The following CMSS1 variants were observed in gnomAD, a reference collection of about 807,000 sequenced individuals.
The protein encoded by CMSS1 is protein CMSS1.
In CMSS1, 33 loss-of-function variants were observed where a neutral mutation model predicts 43.5. The observed-to-expected ratio is 0.76, with a 90% confidence interval of 0.57 to 1.01. The LOEUF (loss-of-function observed/expected upper bound fraction) is 1.01. Ranked by LOEUF, CMSS1 falls within the 50% of genes least tolerant of loss-of-function variation. CMSS1 has a pLI of 0.00. For missense variants in CMSS1, 313 were observed against 326.4 expected (o/e 0.96, Z 0.32); for synonymous variants, 115 against 117.2 (o/e 0.98, Z 0.12).
intron 1 of CMSS1, among the ~76,000 whole-genome samples, chr3:100,053,999 C>T (rs771441709): frequency 2.0e-5 from 3 of 152,324 alleles, no homozygotes; most frequent in East Asian, 3.9e-4. Context: ...TCTGGACATT[C>T]GGCTTACTTA....
chr3:100,021,970 A>T (rs1225137654), intron 1 of CMSS1, among the ~76,000 whole-genome samples: 2,799 of 124,718 alleles, frequency 0.022, 81 homozygotes, highest in African/African-American at 0.072. Flanking sequence ...TGAGAGAGAG[A>T]GAGAGAGAGA....
At chr3:99,868,086 A>C (rs1321470675) in intron 1 of CMSS1, among the ~76,000 whole-genome samples, 2 of 152,196 alleles carry the variant, frequency 1.3e-5, no homozygotes, top group Admixed American at 6.5e-5. Context: ...TTGTGGGTGC[A>C]TGGTAAAACA....
intron 1 of CMSS1, among the ~76,000 whole-genome samples, chr3:99,826,720 T>C (rs986259442): frequency 1.3e-5 from 2 of 152,230 alleles, no homozygotes; most frequent in African/African-American, 2.4e-5. Flanking sequence ...TTATCAGCTA[T>C]GTATTAGACC....
At chr3:100,019,960 G>A (rs2064777837) in intron 1 of CMSS1, among the ~76,000 whole-genome samples, 1 of 152,066 alleles carries the variant, frequency 6.6e-6, no homozygotes. Context: ...CAAGGAAACT[G>A]GCTTAAAAGC....
At chr3:100,068,779 C>G (rs980144884) in intron 1 of CMSS1, among the ~76,000 whole-genome samples, 14 of 152,168 alleles carry the variant, frequency 9.2e-5, no homozygotes, top group Non-Finnish European at 2.9e-5. Flanking sequence ...AGGCGCCCAC[C>G]ACCATGCCCA....
chr3:99,940,405 G>T (rs188612825), intron 1 of CMSS1, among the ~76,000 whole-genome samples: 2 of 152,188 alleles, frequency 1.3e-5, no homozygotes, highest in Non-Finnish European at 2.9e-5. Flanking sequence ...TAGAAATACA[G>T]TGATAATGAG....
intron 1 of CMSS1, among the ~76,000 whole-genome samples, chr3:99,986,267 A>G (rs4571265): frequency 0.81 from 123,404 of 152,170 alleles, 50,327 homozygotes; most frequent in African/African-American, 0.9. Flanking sequence ...TGAATGGGAT[A>G]TGTCCCAGGA....
At chr3:99,993,720 GTA>G (rs1229972472) in intron 1 of CMSS1, among the ~76,000 whole-genome samples, 3 of 152,078 alleles carry the variant, frequency 2.0e-5, no homozygotes, top group Non-Finnish European at 4.4e-5. Context: ...CTTTTTCTGT[GTA>G]TATTGAGATA....
At chr3:100,031,333 A>C (rs1359205931) in intron 1 of CMSS1, among the ~76,000 whole-genome samples, 1 of 152,148 alleles carries the variant, frequency 6.6e-6, no homozygotes, top group Non-Finnish European at 1.5e-5. Flanking sequence ...ACTTTCATCT[A>C]GCAGTCCAAT....
intron 1 of CMSS1, among the ~76,000 whole-genome samples, chr3:100,058,152 A>T (rs1344597577): frequency 2.0e-5 from 3 of 152,246 alleles, no homozygotes; most frequent in Non-Finnish European, 2.9e-5. Context: ...TGACTGGCAG[A>T]ACCAAGACTG....
chr3:99,844,696 G>C (rs556987091), intron 1 of CMSS1, among the ~76,000 whole-genome samples: 1 of 152,210 alleles, frequency 6.6e-6, no homozygotes, highest in African/African-American at 2.4e-5. Flanking sequence ...TCCTTTATGG[G>C]TTATGTATGT....
chr3:99,963,533 G>A (rs1037259470), intron 1 of CMSS1, among the ~76,000 whole-genome samples: 5 of 152,054 alleles, frequency 3.3e-5, no homozygotes, highest in African/African-American at 9.7e-5. Context: ...TTGATTGAGC[G>A]GGATATTTAC....
At chr3:100,110,940 G>T (rs77872880) in intron 1 of CMSS1, among the ~76,000 whole-genome samples, 2,391 of 152,188 alleles carry the variant, frequency 0.016, 35 homozygotes, top group Non-Finnish European at 0.024. Flanking sequence ...CATGTAGGTG[G>T]ATATACTAAT....
intron 1 of CMSS1, among the ~76,000 whole-genome samples, chr3:99,833,431 G>T (rs1386888438): frequency 6.6e-6 from 1 of 152,186 alleles, no homozygotes; most frequent in Non-Finnish European, 1.5e-5. Flanking sequence ...AAGAAGTATG[G>T]AAAGGTGAAG....
At chr3:99,818,306 A>G (rs1217823247) in intron 1 of CMSS1, among the ~76,000 whole-genome samples, 2 of 152,324 alleles carry the variant, frequency 1.3e-5, no homozygotes, top group East Asian at 3.9e-4. Context: ...TTGAGAATGG[A>G]TAAGACAGTT....
chr3:100,070,421 T>C (rs1351243784), intron 1 of CMSS1, among the ~76,000 whole-genome samples: 2 of 130,748 alleles, frequency 1.5e-5, no homozygotes. Flanking sequence ...GAGTACTCTG[T>C]TTTACTTAGG....
chr3:100,037,641 A>G (rs1313076809), intron 1 of CMSS1, among the ~76,000 whole-genome samples: 3 of 152,208 alleles, frequency 2.0e-5, no homozygotes, highest in Non-Finnish European at 4.4e-5. Flanking sequence ...ACATAGAAAT[A>G]GTGTCCCATA....
chr3:100,059,535 G>T (rs2065523612), intron 1 of CMSS1, among the ~76,000 whole-genome samples: 3 of 152,302 alleles, frequency 2.0e-5, no homozygotes. Flanking sequence ...TGAAGACAAA[G>T]TTTCTATCCT....
In CMSS1 at chr3:99,857,167, T is replaced by C. The variant is rs548550521; in HGVS notation, c.64+39124T>C. Among the ~76,000 whole-genome samples, 4 of 151,386 alleles carry C rather than the reference T, an allele frequency of 2.6e-5. No individual in the cohort carries two copies. In the South Asian group the frequency reaches 6.3e-4, roughly 24 times the overall value. On this transcript the variant is annotated intron_variant, in intron 1 of 9. Coordinates refer to ENST00000421999, the MANE Select transcript of CMSS1 (RefSeq NM_032359.4). ...AATACTGTAGCACTGTCCTAAGTAG[T>C]TTTATTCACTATTTAAGAGGATGCT... is the stretch of plus-strand genomic sequence containing the variant.
Sources: gnomAD v4.1 joint callset for allele counts (sites outside exome capture counted in the v4.1 genomes callset) on GRCh38, gnomAD v4.1.1 for gene constraint, MANE v1.5 for transcripts, NCBI Gene and HGNC (gene_info 2026-07-23, HGNC 2026-07-21) for gene names.